The following IL7 variants were observed in gnomAD, a reference collection of about 807,000 sequenced individuals.
IL7 encodes the protein interleukin 7.
A neutral mutation model predicts 21.6 loss-of-function variants in IL7; 3 were observed. The observed-to-expected ratio is 0.14, with a 90% CI of 0.06 to 0.36. The LOEUF is 0.36. Ranked by LOEUF, IL7 falls within the 10% of genes least tolerant of loss-of-function variation. The probability of loss-of-function intolerance (pLI) is 1.00; values close to 1 mark genes in which losing one functional copy is unlikely to be tolerated. For synonymous variants in IL7, 62 were observed against 68.1 expected (o/e 0.91, Z 0.44); for missense variants, 175 against 200.2 (o/e 0.87, Z 0.76).
chr8:78,694,753 C>A (rs1810344209), intron 3 of IL7, among the ~76,000 whole-genome samples: 1 of 152,012 alleles, frequency 6.6e-6, no homozygotes, highest in African/African-American at 2.4e-5. Context: ...AGTCATTAGT[C>A]TTTGTATAAA....
In IL7 at chr8:78,783,742, T is replaced by C. The variant is rs1389089904; in HGVS notation, c.147+14330A>G. The stretch of plus-strand genomic sequence containing the variant: ...ATATAACCTGTGATTAATGAGACAA[T>C]TTGAGAGATGAAGTATGAGATGGAT... On this transcript the variant is annotated intron_variant, in intron 2 of 5. Transcript: ENST00000263851. 5.3e-5 allele frequency among the ~76,000 whole-genome samples: 8 copies of C among 152,238 alleles called. No homozygotes were observed. In the South Asian group the frequency reaches 1.5e-3, roughly 28 times the overall value.
intron 3 of IL7, among the ~76,000 whole-genome samples, chr8:78,687,513 T>C (rs1810031287): frequency 7.0e-6 from 1 of 142,666 alleles, no homozygotes; most frequent in Admixed American, 7.1e-5. Context: ...AAATTATATA[T>C]ATTTATATAA....
At chr8:78,765,161 A>G (rs1320501153) in intron 2 of IL7, among the ~76,000 whole-genome samples, 1 of 152,150 alleles carries the variant, frequency 6.6e-6, no homozygotes, top group Non-Finnish European at 1.5e-5. Context: ...CAGACCTTGA[A>G]CCTTTCACAA....
intron 2 of IL7, among the ~76,000 whole-genome samples, chr8:78,750,179 G>T (rs1190509381): frequency 6.6e-6 from 1 of 152,032 alleles, no homozygotes; most frequent in Non-Finnish European, 1.5e-5. Context: ...CCCAGCTCAA[G>T]GGTCCTCTAG....
intron 5 of IL7, among the ~76,000 whole-genome samples, chr8:78,735,536 T>A (rs1181434965): frequency 1.3e-5 from 2 of 151,880 alleles, no homozygotes; most frequent in Non-Finnish European, 2.9e-5. Context: ...TCTTGATCTT[T>A]CCACCTTGTG....
At position 78,775,798 on chromosome 8, in the gene IL7, C is replaced by T. The variant is rs570228668; in HGVS notation, c.147+22274G>A. 1.3e-4 allele frequency among the ~76,000 whole-genome samples: 19 copies of T among 151,996 alleles called. No homozygotes were observed. In the South Asian group the frequency reaches 3.5e-3, roughly 28 times the overall value. On this transcript the variant is annotated intron_variant, in intron 2 of 5. Coordinates refer to ENST00000263851, the MANE Select transcript of IL7 (RefSeq NM_000880.4). ...GGATTTCATAAGGTAACTGGGGGGG[C>T]GCTTAGAAGTAAGCGTAAGGATGAT...
At chr8:78,690,793 A>G (rs1383101806) in intron 3 of IL7, among the ~76,000 whole-genome samples, 1 of 152,182 alleles carries the variant, frequency 6.6e-6, no homozygotes, top group African/African-American at 2.4e-5. Flanking sequence ...TGTATATTAT[A>G]TAGGTCATAC....
intron 2 of IL7, among the ~76,000 whole-genome samples, chr8:78,752,880 T>C (rs1812221287): frequency 6.6e-6 from 1 of 152,150 alleles, no homozygotes; most frequent in Admixed American, 6.5e-5. Context: ...TTGCTGAGAA[T>C]GATGGTTTCC....
In IL7 at chr8:78,761,747, G is replaced by C. The variant is rs1218270543; in HGVS notation, c.148-21665C>G. On this transcript the variant is annotated intron_variant, in intron 2 of 5. Coordinates refer to ENST00000263851, the MANE Select transcript of IL7 (RefSeq NM_000880.4). ...CTGCTGTGTTTTTGAACAAAACAACGTGTTAACTGCTGTTGTCTCAAACCG... is the reference window on the plus strand; with the variant it reads ...CTGCTGTGTTTTTGAACAAAACAACCTGTTAACTGCTGTTGTCTCAAACCG... 11 of 1,611,828 alleles carry C rather than the reference G, an allele frequency of 6.8e-6. No homozygotes were observed. In the Admixed American group the frequency reaches 8.3e-5, roughly 12 times the overall value.
chr8:78,804,826 G>T, intron 1 of IL7, 87 bp downstream of exon 1: 1 of 1,499,284 alleles, frequency 6.7e-7, no homozygotes, highest in East Asian at 2.3e-5. Flanking sequence ...TCCCGGACTT[G>T]CCTAGGAGCA....
chr8:78,691,702 G>A (rs6981103), intron 3 of IL7, among the ~76,000 whole-genome samples: 118,426 of 151,872 alleles, frequency 0.78, 46,549 homozygotes, highest in East Asian at 0.91. Context: ...CTTTCTAGCT[G>A]TAATTCTTTG....
chr8:78,789,682 G>A (rs527426671), intron 2 of IL7, among the ~76,000 whole-genome samples: 1 of 152,240 alleles, frequency 6.6e-6, no homozygotes, highest in South Asian at 2.1e-4. Context: ...CTGCAGAAGT[G>A]GTCCCGGTGA....
At chr8:78,678,618 A>G (rs1268027183) in intron 4 of IL7, 1 of 1,612,836 alleles carries the variant, frequency 6.2e-7, no homozygotes, top group Non-Finnish European at 8.5e-7. Context: ...AAGACTTTTG[A>G]TTCAAGCAGA....
At chr8:78,724,330 G>C (rs1487410871) in intron 3 of IL7, among the ~76,000 whole-genome samples, 3 of 151,966 alleles carry the variant, frequency 2.0e-5, no homozygotes, top group African/African-American at 2.4e-5. Flanking sequence ...TGTTGGGCTT[G>C]GGTGAATATA....
intron 2 of IL7, among the ~76,000 whole-genome samples, chr8:78,763,306 A>G (rs1388455692): frequency 1.3e-5 from 2 of 152,242 alleles, no homozygotes; most frequent in Non-Finnish European, 2.9e-5. Flanking sequence ...CATGTATTCA[A>G]TTATGCTTAT....
chr8:78,691,437 T>A (rs983700673), intron 3 of IL7, among the ~76,000 whole-genome samples: 1 of 152,138 alleles, frequency 6.6e-6, no homozygotes, highest in Non-Finnish European at 1.5e-5. Context: ...TTAACATAAT[T>A]ATGCTCACTT....
At chr8:78,725,225 C>T (rs1811320232) in intron 3 of IL7, among the ~76,000 whole-genome samples, 1 of 151,934 alleles carries the variant, frequency 6.6e-6, no homozygotes, top group South Asian at 2.1e-4. Flanking sequence ...CTGCAGCCTC[C>T]ATTTCCTAGT....
At chr8:78,708,757 C>T (rs1024639048) in intron 3 of IL7, among the ~76,000 whole-genome samples, 49 of 150,688 alleles carry the variant, frequency 3.3e-4, no homozygotes, top group East Asian at 1.9e-4. Flanking sequence ...CTTGGCTCAC[C>T]GTAACCTCCG....
chr8:78,736,054 C>T (rs1264315012), intron 5 of IL7, among the ~76,000 whole-genome samples: 1 of 150,950 alleles, frequency 6.6e-6, no homozygotes, highest in Non-Finnish European at 1.5e-5. Flanking sequence ...ACAATCTACA[C>T]TAATAAAAGA....
Sources: gnomAD v4.1 joint callset for allele counts (sites outside exome capture counted in the v4.1 genomes callset) on GRCh38, gnomAD v4.1.1 for gene constraint, MANE v1.5 for transcripts, NCBI Gene and HGNC (gene_info 2026-07-23, HGNC 2026-07-21) for gene names.